The following TMC6 variants were observed in gnomAD, a reference collection of about 807,000 sequenced individuals.
TMC6 encodes the protein transmembrane channel-like protein 6.
Under a neutral mutation model 95.4 loss-of-function variants are expected in TMC6, and 71 were observed. The observed-to-expected ratio is 0.74, with a 90% CI of 0.61 to 0.91. The LOEUF (loss-of-function observed/expected upper bound fraction) is 0.91. Among genes scored for constraint, TMC6 ranks in the 40% least tolerant of loss-of-function variants. TMC6 has a pLI of 0.00. For missense variants in TMC6, 1,074 were observed against 1,079.1 expected (o/e 1.00, Z 0.07); for synonymous variants, 514 against 483.1 (o/e 1.06, Z -0.84).
Position 78,121,247 on chromosome 17 carries a change from A to T in TMC6, c.1384-83T>A. 1 of 1,534,410 alleles carries T rather than the reference A, an allele frequency of 6.5e-7. No homozygotes were observed. Among genetic ancestry groups the T allele is most frequent in the Non-Finnish European group, 8.7e-7 (1 of 1,143,122 alleles). ...AGCTACAGGGAAGGGCCCGGGGTGG[A>T]ACTGGCAGGTAGCACCTCCCTCCTC... On this transcript the variant is annotated intron_variant, in intron 11 of 19. Coordinates refer to ENST00000590602, the MANE Select transcript of TMC6 (RefSeq NM_001127198.5). This position sits in a 1 kb window ranked among gnomAD's most constrained non-coding sequence, Gnocchi z 5.6.
intron 18 of TMC6, among the ~76,000 whole-genome samples, chr17:78,116,655 G>A (rs1030289510): frequency 1.1e-4 from 16 of 152,132 alleles, no homozygotes; most frequent in Admixed American, 8.5e-4. Context: ...GGAGGCCAAG[G>A]TGGGTGGATT....
Position 78,126,337 on chromosome 17 carries a change from C to T in TMC6, c.211G>A (p.Glu71Lys), listed in dbSNP as rs1181277338. The T allele has an allele frequency of 3.2e-6, 5 of 1,580,432 alleles. No individual in the cohort carries two copies. The highest frequency in any genetic ancestry group is 1.1e-5 in the South Asian group (1 of 87,958). Residue 71 changes from glutamate (E) to lysine (K), a missense_variant, in exon 4 of 20, where the codon GAG (glutamate) becomes AAG (lysine). Glu to Lys is a moderately conservative substitution (Grantham distance 56). Transcript: ENST00000590602. ...AGTGTGGCCGTGCTCTGGGTGCCCTCGGGCCGCCAGAGTGTCTGCTGGCTA... is the reference window on the plus strand; with the variant it reads ...AGTGTGGCCGTGCTCTGGGTGCCCTTGGGCCGCCAGAGTGTCTGCTGGCTA... ...GSSQQTLWRP[E>K]GTQSTATLRI...
At chr17:78,119,468 G>C (rs1317606066) in intron 13 of TMC6, 76 bp from the exon 14 acceptor site, 1 of 1,446,712 alleles carries the variant, frequency 6.9e-7, no homozygotes, top group South Asian at 1.1e-5. Context: ...CACACCCAGA[G>C]GCACCCCGCC....
chr17:78,121,646 C>CGCCTGCCGCA lies in TMC6; in HGVS notation c.1283_1292dup (p.Val433AlafsTer71), dbSNP rs1567993761. Reference sequence around the variant, plus strand: ...GCAGCCACACAAGCCCCAGCACAGCCGCCTGCCGCAGCCTCCCGCACACGC... The same window carrying CGCCTGCCGCA: ...GCAGCCACACAAGCCCCAGCACAGCCGCCTGCCGCAGCCTGCCGCAGCCTCCCGCACACGC... On this transcript the variant is annotated frameshift_variant, in exon 11 of 20. Coordinates refer to ENST00000590602, the MANE Select transcript of TMC6 (RefSeq NM_001127198.5). LOFTEE classifies it high-confidence loss of function. The surrounding 1 kb of genome is among the most constrained non-coding windows in gnomAD (Gnocchi z 5.6). The CGCCTGCCGCA allele has an allele frequency of 1.9e-6, 3 of 1,604,890 alleles. No homozygotes were observed. The South Asian group carries it at 3.3e-5, about 18-fold the overall frequency.
At chr17:78,119,607 T>G (rs754962211) in intron 13 of TMC6, among the ~76,000 whole-genome samples, 1 of 152,174 alleles carries the variant, frequency 6.6e-6, no homozygotes, top group Admixed American at 6.5e-5. Context: ...CACCCGGAGT[T>G]AAACAAGCAG....
Position 78,112,805 on chromosome 17 carries a change from GC to G in TMC6, c.*342del. On this transcript the variant is annotated 3_prime_UTR_variant, in exon 20 of 20. Transcript: ENST00000590602. ...ATCTGGGGCTTGGCCAGCAGAGGGC[GC>G]CCCCACTCCAGCTGAGGTTCCCAGG... is the stretch of plus-strand genomic sequence containing the variant. 7.6e-6 allele frequency: 3 copies of G among 394,446 alleles called. No individual in the cohort carries two copies. The highest frequency in any genetic ancestry group is 3.3e-5 in the South Asian group (1 of 30,720). The allele number at this position is 394,446 out of a possible 1,614,324, so 24.4% of individuals were successfully genotyped here.
chr17:78,121,690 G>T lies in TMC6; in HGVS notation c.1249C>A (p.Leu417Met). ...CACACGCTCCTGGGGCTGTGCCGCA[G>T]CTGCCACTCGGCCAGCAGCTCCTGC... The part of the protein sequence containing the change: ...RLKELLAEWQ[L>M]RHSPRSVCGR... Residue 417 changes from leucine (L) to methionine (M), a missense_variant, in exon 11 of 20, where the codon CTG becomes ATG. By Grantham distance (15) the Leu-to-Met change is conservative. Transcript: ENST00000590602. The surrounding 1 kb of genome is among the most constrained non-coding windows in gnomAD (Gnocchi z 5.6). 6.3e-7 allele frequency: 1 copy of T among 1,587,014 alleles called. No homozygotes were observed. The highest frequency in any genetic ancestry group is 1.8e-5 in the Admixed American group (1 of 56,154).
rs531383087 is a variant in TMC6, at chr17:78,114,515, G to A, written c.2278-891C>T. On this transcript the variant is annotated intron_variant, in intron 18 of 19. Coordinates refer to ENST00000590602, the MANE Select transcript of TMC6 (RefSeq NM_001127198.5). ...CCCAGGGCTCTTTCGACAATGAAAT[G>A]TGACAAGCAGAGGGGGCACTTAGCA... Among the ~76,000 whole-genome samples, 7 of 152,164 alleles carry A rather than the reference G, an allele frequency of 4.6e-5. No homozygotes were observed. In the South Asian group the frequency reaches 6.2e-4, roughly 14 times the overall value.
chr17:78,114,746 C>T (rs150454418), intron 18 of TMC6, among the ~76,000 whole-genome samples: 19 of 152,328 alleles, frequency 1.2e-4, no homozygotes, highest in African/African-American at 4.6e-4. Flanking sequence ...ACCTAAGTAG[C>T]TTCTATCGAG....
At chr17:78,113,931 G>T in intron 18 of TMC6, 1 of 428,724 alleles carries the variant, frequency 2.3e-6, no homozygotes, top group Non-Finnish European at 4.4e-6. Flanking sequence ...TCTGCCTTGG[G>T]TTACTAACTC....
Position 78,128,153 on chromosome 17 carries a change from G to C in TMC6, c.-75+459C>G, listed in dbSNP as rs1053841460. Among the ~76,000 whole-genome samples, 1 of 152,194 alleles carries C rather than the reference G, an allele frequency of 6.6e-6. No homozygotes were observed. Among genetic ancestry groups the C allele is most frequent in the South Asian group, 2.1e-4 (1 of 4,830 alleles). On this transcript the variant is annotated intron_variant, in intron 1 of 19. Coordinates refer to ENST00000590602, the MANE Select transcript of TMC6 (RefSeq NM_001127198.5). The surrounding 1 kb of genome is among the most constrained non-coding windows in gnomAD (Gnocchi z 4.0). ...ACCATTCCTGAGCTAGGTGGGGAGA[G>C]GCTGGGTGGCGCCCGTTTCCAGGAA...
chr17:78,125,909 G>A (rs751549343), intron 4 of TMC6, 25 bp from the exon 5 acceptor site: 38 of 1,549,732 alleles, frequency 2.5e-5, no homozygotes, highest in South Asian at 1.8e-4. Flanking sequence ...GGGCAGGGCC[G>A]GGCCGGGCAG....
chr17:78,126,983 A>C, intron 1 of TMC6, 77 bp from the exon 2 acceptor site: 11 of 898,286 alleles, frequency 1.2e-5, no homozygotes, highest in African/African-American at 1.6e-5. Flanking sequence ...TCCTGGGGGA[A>C]CCACAGGAGG....
chr17:78,126,631 T>C lies in TMC6; in HGVS notation c.74A>G (p.Tyr25Cys), dbSNP rs375590298. 2.5e-6 allele frequency: 4 copies of C among 1,613,440 alleles called. No homozygotes were observed. The highest frequency in any genetic ancestry group is 1.3e-5 in the African/African-American group (1 of 75,030). The change falls in exon 3 of 20, where the codon TAT (tyrosine) becomes TGT (cysteine). Residue 25 changes from tyrosine to cysteine, a missense_variant. Tyr to Cys is a radical substitution (Grantham distance 194, BLOSUM62 -2). Coordinates refer to ENST00000590602, the MANE Select transcript of TMC6 (RefSeq NM_001127198.5). The stretch of plus-strand genomic sequence containing the variant: ...GGAGTCGTGCACTTCGCTTTCATCA[T>C]AGGGGCTGGGGCCCTGGCTGCAGAG... ...PGDQGQGPSP[Y>C]DESEVHDSFQ...
At position 78,125,143 on chromosome 17, in the gene TMC6, GT is replaced by G. The variant is rs544848558; in HGVS notation, c.536+14del. The G allele has an allele frequency of 1.5e-4, 236 of 1,554,854 alleles. No homozygotes were observed. The highest frequency in any genetic ancestry group is 1.1e-3 in the African/African-American group (84 of 73,642). On this transcript the variant is annotated intron_variant, in intron 6 of 19. Transcript: ENST00000590602. ...GCGCAGCAGCGGCGGCATGGTCAGG[GT>G]CGGGGCTGCTCACCGCAGGCTGCGT...
rs2145423257 is a variant in TMC6, at chr17:78,126,634, G to A, written c.71C>T (p.Pro24Leu). ...TPGDQGQGPS[P>L]YDESEVHDSF... Reference sequence around the variant, plus strand: ...GTCGTGCACTTCGCTTTCATCATAGGGGCTGGGGCCCTGGCTGCAGAGGGG... The same window carrying A: ...GTCGTGCACTTCGCTTTCATCATAGAGGCTGGGGCCCTGGCTGCAGAGGGG... The change falls in exon 3 of 20, where the codon CCC (proline) becomes CTC (leucine). Residue 24 changes from proline (P) to leucine (L), a missense_variant. By Grantham distance (98) the Pro-to-Leu change is moderately conservative. Transcript: ENST00000590602. 1.2e-6 allele frequency: 2 copies of A among 1,613,428 alleles called. No homozygotes were observed. Among genetic ancestry groups the A allele is most frequent in the Non-Finnish European group, 1.7e-6 (2 of 1,179,982 alleles).
At chr17:78,115,559 G>GC in intron 18 of TMC6, among the ~76,000 whole-genome samples, 1 of 152,296 alleles carries the variant, frequency 6.6e-6, no homozygotes, top group East Asian at 1.9e-4. Context: ...GGGGGAAAGT[G>GC]CCTTGTCTCC....
chr17:78,120,953 G>GAGCTAAACAACCAGTTT lies in TMC6; in HGVS notation c.1535+59_1535+60insAAACTGGTTGTTTAGCT, dbSNP rs748914621. 6.2e-6 allele frequency: 10 copies of GAGCTAAACAACCAGTTT among 1,612,664 alleles called. No homozygotes were observed. In the South Asian group the frequency reaches 9.9e-5, roughly 16 times the overall value. On this transcript the variant is annotated intron_variant, in intron 12 of 19. Transcript: ENST00000590602. ...TCCTAAGTAGGTTTGGATACACCCG[G>GAGCTAAACAACCAGTTT]AGCTAAACAACCAGTATCAGCTCCA...
In TMC6 at chr17:78,119,412, A is replaced by G. The variant is rs770492364; in HGVS notation, c.1716-20T>C. 1.2e-6 allele frequency: 2 copies of G among 1,612,854 alleles called. No homozygotes were observed. The highest frequency in any genetic ancestry group is 1.1e-5 in the South Asian group (1 of 91,060). ...ATAATCCTGCCTCCGAGGACCCCGG[A>G]TCGTTAGATGGGAAAGCCATGCCCA... On this transcript the variant is annotated intron_variant, in intron 13 of 19. Coordinates refer to ENST00000590602, the MANE Select transcript of TMC6 (RefSeq NM_001127198.5).
Sources: allele counts gnomAD v4.1 joint callset (sites outside exome capture counted in the v4.1 genomes callset), GRCh38; gene constraint gnomAD v4.1.1; non-coding constraint Gnocchi (gnomAD v3.1); transcripts MANE v1.5; gene names NCBI Gene and HGNC (gene_info 2026-07-23, HGNC 2026-07-21).